The following RIMS2 variants were observed in gnomAD, a reference collection of about 807,000 sequenced individuals.
The protein encoded by RIMS2 is regulating synaptic membrane exocytosis 2.
RIMS2 carries 59 observed loss-of-function variants against 174.4 expected under a neutral mutation model. That is an observed-to-expected ratio of 0.34 (90% CI 0.27 to 0.42). RIMS2 has a LOEUF of 0.42. RIMS2 is among the 10% of genes least tolerant of loss of function. The pLI is 1.00. For synonymous variants in RIMS2, 606 were observed against 572.5 expected (o/e 1.06, Z -0.84); for missense variants, 1,620 against 1,666.3 (o/e 0.97, Z 0.48).
At chr8:103,945,309 A>C (rs1236026073) in intron 14 of RIMS2, among the ~76,000 whole-genome samples, 1 of 152,140 alleles carries the variant, frequency 6.6e-6, no homozygotes, top group Non-Finnish European at 1.5e-5. Context: ...ATTGATAATG[A>C]AAAAATCTTC....
exon 23 of RIMS2, chr8:104,251,061 C>T (rs1308570131): frequency 6.2e-7 from 1 of 1,613,366 alleles, no homozygotes; most frequent in East Asian, 2.2e-5. Context: ...ATAACGGAGT[C>T]TGCATAGCCA....
Position 103,789,137 on chromosome 8 carries a change from C to T in RIMS2, c.698+22600C>T, listed in dbSNP as rs540241114. On this transcript the variant is annotated intron_variant, in intron 3 of 23. Coordinates refer to ENST00000504942, the Ensembl canonical transcript of RIMS2. ...GCCTCGCCCTGCTTCGGCTCGTGCA[C>T]GGTGCGCGCACCCACTGACCTGCGC... Among the ~76,000 whole-genome samples, 52 of 152,260 alleles carry T rather than the reference C, an allele frequency of 3.4e-4. No homozygotes were observed. The South Asian group carries it at 7.9e-3, about 23-fold the overall frequency.
intron 1 of RIMS2, among the ~76,000 whole-genome samples, chr8:103,607,138 G>T (rs904877135): frequency 1.3e-5 from 2 of 152,062 alleles, no homozygotes; most frequent in African/African-American, 2.4e-5. Flanking sequence ...AGTGGCTGGT[G>T]CCGGTTGTTC....
chr8:103,771,214 T>C (rs2098249679), intron 3 of RIMS2, among the ~76,000 whole-genome samples: 1 of 152,168 alleles, frequency 6.6e-6, no homozygotes, highest in Non-Finnish European at 1.5e-5. Context: ...CAATTCTTTA[T>C]CAACTTAGAT....
At chr8:103,983,942 G>C (rs1229858696) in intron 16 of RIMS2, among the ~76,000 whole-genome samples, 1 of 152,154 alleles carries the variant, frequency 6.6e-6, no homozygotes, top group South Asian at 2.1e-4. Context: ...GGGAGGCCAA[G>C]GCGGGCGGAT....
chr8:104,115,999 C>A (rs2098272452), intron 19 of RIMS2, among the ~76,000 whole-genome samples: 1 of 152,086 alleles, frequency 6.6e-6, no homozygotes, highest in Admixed American at 6.6e-5. Context: ...GAATGATGAT[C>A]CTCAATGACA....
intron 3 of RIMS2, among the ~76,000 whole-genome samples, chr8:103,813,412 C>CTTTCTTTCTTTCTTTCTTTCTTTCTTTCT (rs542732882): frequency 1.3e-5 from 2 of 151,564 alleles, no homozygotes; most frequent in Non-Finnish European, 2.9e-5. Flanking sequence ...TTCTTTCTTT[C>CTTTCTTTCTTTCTTTCTTTCTTTCTTTCT]TTTATTATAC....
intron 2 of RIMS2, among the ~76,000 whole-genome samples, chr8:103,720,128 ACAAGTTAT>A (rs1322191090): frequency 6.6e-6 from 1 of 152,182 alleles, no homozygotes; most frequent in Non-Finnish European, 1.5e-5. Flanking sequence ...TCAGAAGTAT[ACAAGTTAT>A]CTTTTGGTTT....
chr8:103,994,364 C>T (rs2094934237), intron 17 of RIMS2, among the ~76,000 whole-genome samples: 2 of 152,128 alleles, frequency 1.3e-5, no homozygotes, highest in South Asian at 4.1e-4. Context: ...GAATCTATGA[C>T]TTCTTTATTT....
intron 2 of RIMS2, among the ~76,000 whole-genome samples, chr8:103,741,988 C>T (rs190310234): frequency 1.2e-4 from 18 of 152,162 alleles, no homozygotes; most frequent in Admixed American, 1.0e-3. Context: ...ACCCTGTTTA[C>T]TTACTCACCA....
intron 2 of RIMS2, among the ~76,000 whole-genome samples, chr8:103,717,000 T>C (rs2097375676): frequency 6.6e-6 from 1 of 152,126 alleles, no homozygotes; most frequent in Admixed American, 6.5e-5. Flanking sequence ...TCCCTGCAAA[T>C]ATAGATAAAA....
At chr8:104,045,642 G>C (rs1026857176) in intron 19 of RIMS2, among the ~76,000 whole-genome samples, 2 of 151,570 alleles carry the variant, frequency 1.3e-5, no homozygotes, top group Admixed American at 6.6e-5. Context: ...AAAATGTTTT[G>C]TCAGCTATGT....
At chr8:103,535,450 A>G (rs1554607357) in intron 1 of RIMS2, among the ~76,000 whole-genome samples, 1 of 152,202 alleles carries the variant, frequency 6.6e-6, no homozygotes, top group Non-Finnish European at 1.5e-5. Context: ...AGGCTCAAGT[A>G]TATCTACAGG....
intron 3 of RIMS2, among the ~76,000 whole-genome samples, chr8:103,858,575 A>T (rs1322121812): frequency 6.6e-6 from 1 of 151,592 alleles, no homozygotes; most frequent in Non-Finnish European, 1.5e-5. Flanking sequence ...ACTTAACCAT[A>T]TATATGTACA....
chr8:104,084,159 G>A (rs1297824611), intron 19 of RIMS2, among the ~76,000 whole-genome samples: 1 of 152,048 alleles, frequency 6.6e-6, no homozygotes, highest in South Asian at 2.1e-4. Flanking sequence ...AACTAACTGT[G>A]ACCAGGCATG....
intron 16 of RIMS2, among the ~76,000 whole-genome samples, chr8:103,985,710 A>G (rs1030694445): frequency 6.6e-6 from 1 of 152,154 alleles, no homozygotes; most frequent in African/African-American, 2.4e-5. Flanking sequence ...AACAGAATTG[A>G]TATGGAATGA....
chr8:104,137,325 A>G (rs185338470), intron 19 of RIMS2, among the ~76,000 whole-genome samples: 439 of 152,262 alleles, frequency 2.9e-3, no homozygotes, highest in Non-Finnish European at 4.7e-3. Flanking sequence ...TATTCTAGAC[A>G]TTGTGCTAAT....
intron 11 of RIMS2, 40 bp from the exon 14 acceptor site, chr8:103,931,223 T>C (rs1398837340): frequency 4.8e-6 from 7 of 1,469,946 alleles, no homozygotes; most frequent in African/African-American, 1.4e-5. Context: ...GTTTGTGTAG[T>C]AAATGTTTGA....
chr8:104,033,941 T>A (rs1487315538), intron 19 of RIMS2, among the ~76,000 whole-genome samples: 1 of 152,164 alleles, frequency 6.6e-6, no homozygotes, highest in Non-Finnish European at 1.5e-5. Context: ...ATTTCTCTTA[T>A]GTTTAAGTGC....
Sources: gnomAD v4.1 joint callset for allele counts (sites outside exome capture counted in the v4.1 genomes callset) on GRCh38, gnomAD v4.1.1 for gene constraint, MANE v1.5 for transcripts, NCBI Gene and HGNC (gene_info 2026-07-23, HGNC 2026-07-21) for gene names.